Variants in MCPH1 observed in about 807,000 individuals in gnomAD.
MCPH1 encodes microcephalin.
A neutral mutation model predicts 84.5 loss-of-function variants in MCPH1; 104 were observed. The ratio of observed to expected loss-of-function variants is 1.23; its 90% CI spans 1.05 to 1.45. The LOEUF (loss-of-function observed/expected upper bound fraction) is 1.45. MCPH1 is among the 40% of genes most tolerant of loss of function. MCPH1 has a pLI of 0.00. For missense variants in MCPH1, 1,498 were observed against 1,005.7 expected (o/e 1.49, Z -6.62); for synonymous variants, 514 against 366.8 (o/e 1.40, Z -4.58).
Position 6,647,083 on chromosome 8 carries a change from T to G in MCPH1, c.*4034T>G, listed in dbSNP as rs1293624623. ...ATAAAGGACTTGTACCCAGACCATG[T>G]AAAGAACTCATAACTCATTAATAAA... is the stretch of plus-strand genomic sequence containing the variant. On this transcript the variant is annotated 3_prime_UTR_variant, in exon 14 of 14. Coordinates refer to ENST00000344683, the MANE Select transcript of MCPH1 (RefSeq NM_024596.5). The G allele has an allele frequency of 1.3e-5, 2 of 152,036 alleles. No individual in the cohort carries two copies. The highest frequency in any genetic ancestry group is 2.9e-5 in the Non-Finnish European group (2 of 68,008). The allele number at this position is 152,036 out of a possible 1,614,324, so 9.4% of individuals were successfully genotyped here. A position where few individuals can be genotyped will look rare whatever the true frequency, so the allele number is the denominator to read the frequency against.
At chr8:6,628,047 T>A (rs1234415361) in intron 13 of MCPH1, among the ~76,000 whole-genome samples, 1 of 152,166 alleles carries the variant, frequency 6.6e-6, no homozygotes, top group Admixed American at 6.5e-5. Context: ...TCATTGCATT[T>A]ATTGGTCAAA....
intron 12 of MCPH1, among the ~76,000 whole-genome samples, chr8:6,554,553 A>T (rs1364156552): frequency 6.6e-6 from 1 of 152,230 alleles, no homozygotes; most frequent in Non-Finnish European, 1.5e-5. Flanking sequence ...CATGACAGGT[A>T]ATTTTTAATG....
chr8:6,643,818 G>C lies in MCPH1; in HGVS notation c.*769G>C, dbSNP rs1798082201. 6.6e-6 allele frequency: 1 copy of C among 152,176 alleles called. No individual in the cohort carries two copies. Among genetic ancestry groups the C allele is most frequent in the Admixed American group, 6.6e-5 (1 of 15,264 alleles). 9.4% of individuals were successfully genotyped at this position (152,176 alleles called of 1,614,324 possible). A position where few individuals can be genotyped will look rare whatever the true frequency, so the allele number is the denominator to read the frequency against. Reference sequence around the variant, plus strand: ...TGGGGGGTGTTATACAGGATAATTGGTGACATCTGAGTGTCTTACTTCTGC... The same window carrying C: ...TGGGGGGTGTTATACAGGATAATTGCTGACATCTGAGTGTCTTACTTCTGC... On this transcript the variant is annotated 3_prime_UTR_variant, in exon 14 of 14. Coordinates refer to ENST00000344683, the MANE Select transcript of MCPH1 (RefSeq NM_024596.5).
intron 9 of MCPH1, among the ~76,000 whole-genome samples, chr8:6,472,995 C>A (rs1289194535): frequency 1.3e-5 from 2 of 152,098 alleles, no homozygotes; most frequent in Non-Finnish European, 2.9e-5. Flanking sequence ...GACACGATTT[C>A]TTGAATACTC....
Position 6,643,200 on chromosome 8 carries a change from C to G in MCPH1, c.*151C>G. 1 of 721,788 alleles carries G rather than the reference C, an allele frequency of 1.4e-6. No individual in the cohort carries two copies. 44.7% of individuals were successfully genotyped at this position (721,788 alleles called of 1,614,324 possible). ...TGCCATGTGTTGTGGTTCTTAAGAACTCATAGGTGACTTTCTGATGACTGA... is the reference window on the plus strand; with the variant it reads ...TGCCATGTGTTGTGGTTCTTAAGAAGTCATAGGTGACTTTCTGATGACTGA... On this transcript the variant is annotated 3_prime_UTR_variant, in exon 14 of 14. Coordinates refer to ENST00000344683, the MANE Select transcript of MCPH1 (RefSeq NM_024596.5).
At chr8:6,624,871 A>T (rs1831895038) in intron 13 of MCPH1, 1 of 981,548 alleles carries the variant, frequency 1.0e-6, no homozygotes. Flanking sequence ...AACAAATCAT[A>T]TACTTTTTTT....
chr8:6,591,162 G>T lies in MCPH1; in HGVS notation c.2215-30292G>T, dbSNP rs538968273. Among the ~76,000 whole-genome samples the T allele has an allele frequency of 5.8e-3, 891 of 152,364 alleles. 4 individuals are homozygous for T. The highest frequency in any genetic ancestry group is 8.3e-3 in the Non-Finnish European group (566 of 68,030). On this transcript the variant is annotated intron_variant, in intron 12 of 13. Transcript: ENST00000344683. ...TCAGCCCGCCTTGGCCTCCCAACGT[G>T]CTGGGATTACAGGCGTGAGCCACCA...
At chr8:6,555,259 C>G (rs1434185173) in intron 12 of MCPH1, among the ~76,000 whole-genome samples, 1 of 152,052 alleles carries the variant, frequency 6.6e-6, no homozygotes. Flanking sequence ...TTTTCAAACT[C>G]TAATAGTGGG....
At chr8:6,472,790 T>C (rs991917646) in intron 9 of MCPH1, among the ~76,000 whole-genome samples, 6 of 152,166 alleles carry the variant, frequency 3.9e-5, no homozygotes, top group Non-Finnish European at 5.9e-5. Context: ...AAGTACAAAA[T>C]ATATCATTTA....
rs182235203 is a variant in MCPH1, at chr8:6,489,027, G to C, written c.2136+8151G>C. ...TTTTTTCCTGGGGCGACTAACTATAGATAATGGTGCCATTTGCAGAGTTAG... is the reference window on the plus strand; with the variant it reads ...TTTTTTCCTGGGGCGACTAACTATACATAATGGTGCCATTTGCAGAGTTAG... On this transcript the variant is annotated intron_variant, in intron 11 of 13. Coordinates refer to ENST00000344683, the MANE Select transcript of MCPH1 (RefSeq NM_024596.5). Among the ~76,000 whole-genome samples, 32 of 152,238 alleles carry C rather than the reference G, an allele frequency of 2.1e-4. No homozygotes were observed. In the East Asian group the frequency reaches 5.8e-3, roughly 28 times the overall value.
chr8:6,629,385 A>T (rs1296111189), intron 13 of MCPH1, among the ~76,000 whole-genome samples: 1 of 152,166 alleles, frequency 6.6e-6, no homozygotes, highest in Non-Finnish European at 1.5e-5. Flanking sequence ...TCCCTTGAAC[A>T]CAAGAGGCGG....
intron 8 of MCPH1, chr8:6,446,369 C>T (rs1385612937): frequency 2.9e-5 from 29 of 984,574 alleles, no homozygotes; most frequent in Admixed American, 6.1e-5. Context: ...CTCTGCTCTA[C>T]AAATGTTTTA....
At chr8:6,485,724 G>T (rs986562525) in intron 11 of MCPH1, among the ~76,000 whole-genome samples, 1 of 152,074 alleles carries the variant, frequency 6.6e-6, no homozygotes, top group African/African-American at 2.4e-5. Flanking sequence ...GTGGCCTATG[G>T]CTTCAGGTGA....
At position 6,418,606 on chromosome 8, in the gene MCPH1, C is replaced by T. The variant is rs142484549; in HGVS notation, c.233+3723C>T. ...TTATTTTATCATTTTTTTTTTGAGA[C>T]GGAGTCTCGCTCTGTCGCCAGGCTG... On this transcript the variant is annotated intron_variant, in intron 3 of 13. Coordinates refer to ENST00000344683, the MANE Select transcript of MCPH1 (RefSeq NM_024596.5). Among the ~76,000 whole-genome samples, 623 of 151,800 alleles carry T rather than the reference C, an allele frequency of 4.1e-3. 7 individuals carry two copies. Among genetic ancestry groups the T allele is most frequent in the African/African-American group, 0.014 (585 of 41,412 alleles).
At chr8:6,611,808 C>T (rs1203943665) in intron 12 of MCPH1, among the ~76,000 whole-genome samples, 2 of 151,954 alleles carry the variant, frequency 1.3e-5, no homozygotes, top group East Asian at 1.9e-4. Context: ...TTAGCGGAGA[C>T]GGGGTTTCAC....
chr8:6,485,490 C>G lies in MCPH1; in HGVS notation c.2136+4614C>G, dbSNP rs574281220. On this transcript the variant is annotated intron_variant, in intron 11 of 13. Coordinates refer to ENST00000344683, the MANE Select transcript of MCPH1 (RefSeq NM_024596.5). ...AACTGCTGCCTCTGTACCTATACTTCCTGTTAGCACTGAAGCTTCATCCCA... is the reference window on the plus strand; with the variant it reads ...AACTGCTGCCTCTGTACCTATACTTGCTGTTAGCACTGAAGCTTCATCCCA... 1.4e-4 allele frequency among the ~76,000 whole-genome samples: 21 copies of G among 152,110 alleles called. No homozygotes were observed. In the South Asian group the frequency reaches 3.8e-3, roughly 27 times the overall value.
At chr8:6,505,166 A>G (rs960488720) in intron 12 of MCPH1, among the ~76,000 whole-genome samples, 1 of 37,640 alleles carries the variant, frequency 2.7e-5, no homozygotes, top group East Asian at 2.7e-3. Flanking sequence ...TAAAAACTCT[A>G]TGCCAAAGAA....
intron 12 of MCPH1, among the ~76,000 whole-genome samples, chr8:6,555,888 G>A (rs189392245): frequency 6.6e-6 from 1 of 152,290 alleles, no homozygotes; most frequent in East Asian, 1.9e-4. Flanking sequence ...CCAGTTGCTT[G>A]TTTTTGCTTG....
chr8:6,504,297 G>C (rs894125839), intron 12 of MCPH1, among the ~76,000 whole-genome samples: 1 of 119,384 alleles, frequency 8.4e-6, no homozygotes, highest in African/African-American at 3.3e-5. Flanking sequence ...CAGCCTGGGC[G>C]ACAGAGTGAG....
Sources: allele counts gnomAD v4.1 joint callset (sites outside exome capture counted in the v4.1 genomes callset), GRCh38; gene constraint gnomAD v4.1.1; transcripts MANE v1.5; gene names NCBI Gene and HGNC (gene_info 2026-07-23, HGNC 2026-07-21).